COL19A1: variants seen among roughly 807,000 people sequenced by gnomAD.
The protein encoded by COL19A1 is collagen type XIX alpha 1 chain.
COL19A1 carries 159 observed loss-of-function variants against 190.2 expected under a neutral mutation model. The ratio of observed to expected loss-of-function variants is 0.84; its 90% CI spans 0.73 to 0.95. The LOEUF (loss-of-function observed/expected upper bound fraction) is 0.95, where lower values mean the gene tolerates loss of function less well. COL19A1 is among the 40% of genes least tolerant of loss of function. The pLI is 0.00. For synonymous variants in COL19A1, 509 were observed against 458.9 expected, an observed-to-expected ratio of 1.11 and a Z score of -1.39; for missense variants, 1,418 against 1,431.9, an observed-to-expected ratio of 0.99 and a Z score of 0.16.
chr6:69,868,892 C>T (rs1246833884), intron 1 of COL19A1, among the ~76,000 whole-genome samples: 1 of 151,866 alleles, frequency 6.6e-6, no homozygotes, highest in African/African-American at 2.4e-5. Flanking sequence ...GTTCTAGAGG[C>T]GGAAGAAGAT....
At chr6:69,988,177 T>C (rs1304190619) in intron 11 of COL19A1, among the ~76,000 whole-genome samples, 2 of 152,214 alleles carry the variant, frequency 1.3e-5, no homozygotes, top group Non-Finnish European at 2.9e-5. Context: ...CATTCTTATA[T>C]GTTCATTCTC....
At chr6:70,149,959 G>T (rs755870793) in intron 29 of COL19A1, 33 bp from the exon 30 acceptor site, 10 of 1,613,784 alleles carry the variant, frequency 6.2e-6, no homozygotes, top group Non-Finnish European at 7.6e-6. Context: ...TGTGCCACGT[G>T]CAAAGATTGA....
chr6:69,963,107 A>T (rs1774897162), intron 11 of COL19A1, among the ~76,000 whole-genome samples: 1 of 152,188 alleles, frequency 6.6e-6, no homozygotes, highest in Non-Finnish European at 1.5e-5. Context: ...AATTTGTTTC[A>T]TTGACATGGA....
intron 14 of COL19A1, among the ~76,000 whole-genome samples, chr6:70,056,374 G>A (rs1313580349): frequency 6.6e-6 from 1 of 152,074 alleles, no homozygotes; most frequent in Non-Finnish European, 1.5e-5. Context: ...AATGCCTATG[G>A]ATTCTTTTTC....
At chr6:69,976,669 G>A (rs570374330) in intron 11 of COL19A1, among the ~76,000 whole-genome samples, 5 of 152,232 alleles carry the variant, frequency 3.3e-5, no homozygotes, top group African/African-American at 1.2e-4. Flanking sequence ...TTCATTGTAA[G>A]GTTTAGAGTA....
At chr6:70,124,655 G>A (rs1041613213) in intron 17 of COL19A1, among the ~76,000 whole-genome samples, 9 of 151,588 alleles carry the variant, frequency 5.9e-5, no homozygotes, top group African/African-American at 1.7e-4. Context: ...TCACCTAAAA[G>A]AACCCCAGTT....
intron 29 of COL19A1, 25 bp from the exon 30 acceptor site, chr6:70,149,967 T>C: frequency 6.2e-7 from 1 of 1,613,814 alleles, no homozygotes; most frequent in East Asian, 2.2e-5. Flanking sequence ...GTGCAAAGAT[T>C]GAACATGGAT....
intron 16 of COL19A1, among the ~76,000 whole-genome samples, 194 bp downstream of exon 16, chr6:70,102,416 A>G (rs927209533): frequency 6.6e-6 from 1 of 152,152 alleles, no homozygotes; most frequent in Admixed American, 6.5e-5. Flanking sequence ...AAACCAAGAG[A>G]TGAGGGAGGC....
chr6:70,142,797 C>T lies in COL19A1; in HGVS notation c.1603C>T (p.Pro535Ser). 1 of 1,612,136 alleles carries T rather than the reference C, an allele frequency of 6.2e-7. No homozygotes were observed. The highest frequency in any genetic ancestry group is 8.5e-7 in the Non-Finnish European group (1 of 1,178,912). ...GQQGSAGSMG[P>S]RGPPGDVGLP... ...GCAAGGATCTGCAGGCTCCATGGGA[C>T]CCAGAGGACCGCCAGGAGATGTTGT... Residue 535 changes from proline (P) to serine (S), a missense_variant, in exon 23 of 51, where the codon CCC (proline) becomes TCC (serine). Coordinates refer to ENST00000620364, the MANE Select transcript of COL19A1 (RefSeq NM_001858.6).
intron 4 of COL19A1, among the ~76,000 whole-genome samples, chr6:69,917,505 G>A (rs1771383136): frequency 6.6e-6 from 1 of 152,174 alleles, no homozygotes; most frequent in Admixed American, 6.5e-5. Context: ...ACAGCCACAA[G>A]TCTTACAGGA....
chr6:69,932,958 G>GTGT, intron 7 of COL19A1, 95 bp downstream of exon 7: 1 of 725,612 alleles, frequency 1.4e-6, no homozygotes, highest in African/African-American at 1.8e-5. Context: ...AGCACTGAGT[G>GTGT]TGTTCTGTTG....
At position 70,068,405 on chromosome 6, in the gene COL19A1, G is replaced by T. The variant is rs7349861; in HGVS notation, c.1171-18G>T. ...TACTTGAAACAGTGTATTAACATGT[G>T]TCTCTTTTTCCTCATAGGGTTCCCT... is the stretch of plus-strand genomic sequence containing the variant. On this transcript the variant is annotated intron_variant, in intron 14 of 50. Transcript: ENST00000620364. The T allele has an allele frequency of 2.0e-6, 3 of 1,508,302 alleles. No homozygotes were observed. The highest frequency in any genetic ancestry group is 2.7e-5 in the African/African-American group (2 of 73,480). The allele number at this position is 1,508,302 out of a possible 1,614,324, so 93.4% of individuals were successfully genotyped here.
At position 69,927,487 on chromosome 6, in the gene COL19A1, C is replaced by T. The variant is rs3828763; in HGVS notation, c.267-422C>T. On this transcript the variant is annotated intron_variant, in intron 4 of 50. Transcript: ENST00000620364. Reference sequence around the variant, plus strand: ...GAAATCAGTATTAGGAACTCATTTGCAAGAATTTAATATGAAAAAGTTTCT... The same window carrying T: ...GAAATCAGTATTAGGAACTCATTTGTAAGAATTTAATATGAAAAAGTTTCT... 5.5e-3 allele frequency among the ~76,000 whole-genome samples: 832 copies of T among 152,222 alleles called. 19 individuals carry two copies. In the East Asian group the frequency reaches 0.068, roughly 13 times the overall value.
At position 70,041,839 on chromosome 6, in the gene COL19A1, G is replaced by T. The variant is rs533521419; in HGVS notation, c.1170+5900G>T. The stretch of plus-strand genomic sequence containing the variant: ...GGCCAAGGCAGGCAGATCACTTGAG[G>T]TGAGGAGTTTGAGACCAGCCTGGTC... On this transcript the variant is annotated intron_variant, in intron 14 of 50. Transcript: ENST00000620364. 2.4e-3 allele frequency among the ~76,000 whole-genome samples: 369 copies of T among 152,146 alleles called. 3 individuals are homozygous for T. Among genetic ancestry groups the T allele is most frequent in the African/African-American group, 8.4e-3 (348 of 41,494 alleles).
intron 11 of COL19A1, among the ~76,000 whole-genome samples, chr6:69,993,318 T>C (rs1272020652): frequency 6.6e-6 from 1 of 152,188 alleles, no homozygotes; most frequent in African/African-American, 2.4e-5. Context: ...TACTTGATCA[T>C]GGATGATTAG....
chr6:69,997,254 A>G (rs1207052526), intron 11 of COL19A1, among the ~76,000 whole-genome samples: 1 of 152,176 alleles, frequency 6.6e-6, no homozygotes, highest in African/African-American at 2.4e-5. Context: ...TTGAGGTGCT[A>G]TCACAGCTTC....
chr6:70,038,237 T>C (rs186135428), intron 14 of COL19A1, among the ~76,000 whole-genome samples: 3 of 152,340 alleles, frequency 2.0e-5, no homozygotes, highest in African/African-American at 7.2e-5. Context: ...CAAAACTAGC[T>C]CCACGCTAAA....
At chr6:70,169,155 A>C (rs1460237744) in intron 40 of COL19A1, among the ~76,000 whole-genome samples, 1 of 152,112 alleles carries the variant, frequency 6.6e-6, no homozygotes, top group African/African-American at 2.4e-5. Flanking sequence ...AAGGCTGCTT[A>C]TTAGGAGGAA....
rs1278224484 is a variant in COL19A1 at position 70,163,396 on chromosome 6, G to C, written c.2400G>C (p.Lys800Asn). 2 of 1,611,042 alleles carry C rather than the reference G, an allele frequency of 1.2e-6. No homozygotes were observed. The highest frequency in any genetic ancestry group is 1.7e-6 in the Non-Finnish European group (2 of 1,178,396). The part of the protein sequence containing the change: ...HPGPTGAKGE[K>N]GSDGPPGKPG... ...GTCCCACAGGAGCAAAAGGTGAAAAGGTACAAAGGAAAAGCCTCACTTACC... is the reference window on the plus strand; with the variant it reads ...GTCCCACAGGAGCAAAAGGTGAAAACGTACAAAGGAAAAGCCTCACTTACC... Residue 800 changes from lysine (K) to asparagine (N), a missense_variant and splice_region_variant, in exon 36 of 51, where the codon AAG (lysine) becomes AAC (asparagine). Transcript: ENST00000620364.
Sources: allele counts gnomAD v4.1 joint callset (sites outside exome capture counted in the v4.1 genomes callset), GRCh38; gene constraint gnomAD v4.1.1; transcripts MANE v1.5; gene names NCBI Gene and HGNC (gene_info 2026-07-23, HGNC 2026-07-21).